The following SNTG1 variants were observed in gnomAD, a reference collection of about 807,000 sequenced individuals.
SNTG1 encodes gamma-1-syntrophin.
SNTG1 carries 39 observed loss-of-function variants against 74.7 expected under a neutral mutation model. The ratio of observed to expected loss-of-function variants is 0.52; its 90% CI spans 0.40 to 0.68. The LOEUF (loss-of-function observed/expected upper bound fraction) is 0.68, where lower values mean the gene tolerates loss of function less well. Among genes scored for constraint, SNTG1 ranks in the 30% least tolerant of loss-of-function variants. The probability of loss-of-function intolerance (pLI) is 0.00; values close to 1 mark genes in which losing one functional copy is unlikely to be tolerated. For missense variants in SNTG1, 685 were observed against 609.5 expected (o/e 1.12, Z -1.30); for synonymous variants, 254 against 217.1 (o/e 1.17, Z -1.49).
chr8:50,587,121 TTATC>T (rs2094654455), intron 12 of SNTG1, among the ~76,000 whole-genome samples: 1 of 151,628 alleles, frequency 6.6e-6, no homozygotes, highest in African/African-American at 2.4e-5. Context: ...TATGCCCAAA[TTATC>T]AATCTTTGTG....
In SNTG1 at chr8:50,795,590, T is replaced by C. The variant is rs1334218968; in HGVS notation, c.*2761T>C. ...GTGTGTGTCTGTGTATGTGTGTGAG[T>C]GTGTAAGTGTTATCATTAAAGGGTT... On this transcript the variant is annotated 3_prime_UTR_variant, in exon 19 of 19. Coordinates refer to ENST00000642720, the MANE Select transcript of SNTG1 (RefSeq NM_018967.5). 6.6e-6 allele frequency: 1 copy of C among 152,012 alleles called. No individual in the cohort carries two copies. The highest frequency in any genetic ancestry group is 1.5e-5 in the Non-Finnish European group (1 of 67,970). 9.4% of individuals were successfully genotyped at this position (152,012 alleles called of 1,614,324 possible).
At chr8:50,704,057 C>CAATTTCTTGTATCA (rs2095435255) in intron 15 of SNTG1, among the ~76,000 whole-genome samples, 2 of 152,054 alleles carry the variant, frequency 1.3e-5, no homozygotes, top group Admixed American at 6.5e-5. Context: ...TTGCCAGCAT[C>CAATTTCTTGTATCA]AAAGTCGTTT....
intron 2 of SNTG1, among the ~76,000 whole-genome samples, chr8:50,249,369 C>A (rs1430732474): frequency 1.3e-5 from 2 of 152,222 alleles, no homozygotes; most frequent in African/African-American, 2.4e-5. Flanking sequence ...CCACCAACAG[C>A]CAGGCCAGAG....
At chr8:50,244,121 G>A (rs546296151) in intron 2 of SNTG1, among the ~76,000 whole-genome samples, 2 of 152,214 alleles carry the variant, frequency 1.3e-5, no homozygotes, top group African/African-American at 4.8e-5. Flanking sequence ...TGAAGTGGGA[G>A]CAGACATGCA....
intron 1 of SNTG1, among the ~76,000 whole-genome samples, chr8:50,014,456 ATG>A (rs1157408364): frequency 7.1e-5 from 3 of 42,304 alleles, no homozygotes; most frequent in Non-Finnish European, 2.3e-4. Flanking sequence ...GATCTACACA[ATG>A]ATAAGGACTA....
intron 13 of SNTG1, among the ~76,000 whole-genome samples, chr8:50,599,317 T>C (rs1393218326): frequency 6.6e-6 from 1 of 152,076 alleles, no homozygotes; most frequent in Non-Finnish European, 1.5e-5. Context: ...TTTTCTTCTT[T>C]TTGCTCAGGA....
intron 8 of SNTG1, among the ~76,000 whole-genome samples, chr8:50,473,185 G>A (rs1181662239): frequency 6.6e-6 from 1 of 152,112 alleles, no homozygotes; most frequent in Non-Finnish European, 1.5e-5. Flanking sequence ...GCTCATGATA[G>A]TGAGTGAGTT....
intron 10 of SNTG1, among the ~76,000 whole-genome samples, chr8:50,534,090 T>A (rs984652432): frequency 7.2e-5 from 11 of 152,182 alleles, no homozygotes; most frequent in Admixed American, 3.3e-4. Context: ...TGTGAAATAA[T>A]CAAGTAAAAA....
chr8:50,654,188 C>T (rs557437050), intron 13 of SNTG1, among the ~76,000 whole-genome samples: 5 of 152,152 alleles, frequency 3.3e-5, no homozygotes, highest in Non-Finnish European at 5.9e-5. Context: ...CCTTTCTTAG[C>T]TGTGCTTGGG....
intron 6 of SNTG1, 111 bp from the exon 7 acceptor site, chr8:50,450,445 A>G (rs2093445362): frequency 8.9e-7 from 1 of 1,126,632 alleles, no homozygotes; most frequent in South Asian, 1.4e-5. Context: ...CTAACCATAT[A>G]AGACACTTAA....
In SNTG1 at chr8:50,005,868, G is replaced by A. The variant is rs188606466; in HGVS notation, c.-103+93637G>A. Among the ~76,000 whole-genome samples, 13 of 150,632 alleles carry A rather than the reference G, an allele frequency of 8.6e-5. No homozygotes were observed. The East Asian group carries it at 1.4e-3, about 16-fold the overall frequency. On this transcript the variant is annotated intron_variant, in intron 1 of 18. Coordinates refer to ENST00000642720, the MANE Select transcript of SNTG1 (RefSeq NM_018967.5). ...CTGTGGACCTGTCATCTAGCTCACC[G>A]TCTCTGTCATCTCAGCTCCAAAACT... is the stretch of plus-strand genomic sequence containing the variant.
intron 1 of SNTG1, among the ~76,000 whole-genome samples, chr8:50,117,907 A>T (rs1304761994): frequency 1.3e-5 from 2 of 152,150 alleles, no homozygotes; most frequent in Non-Finnish European, 2.9e-5. Context: ...GAGATTTGTG[A>T]CTAGCAGAGC....
At chr8:50,765,723 C>G (rs921202680) in intron 18 of SNTG1, among the ~76,000 whole-genome samples, 2 of 151,818 alleles carry the variant, frequency 1.3e-5, no homozygotes, top group African/African-American at 4.8e-5. Flanking sequence ...TGAATAGTGA[C>G]AAAAAATATT....
At chr8:49,942,009 G>A (rs986341427) in intron 1 of SNTG1, among the ~76,000 whole-genome samples, 3 of 152,112 alleles carry the variant, frequency 2.0e-5, no homozygotes, top group Non-Finnish European at 4.4e-5. Flanking sequence ...GCATATATGA[G>A]AATGTACACA....
At chr8:50,516,956 C>T (rs903339568) in intron 9 of SNTG1, among the ~76,000 whole-genome samples, 1 of 151,954 alleles carries the variant, frequency 6.6e-6, no homozygotes, top group Non-Finnish European at 1.5e-5. Context: ...ACCACAAAGA[C>T]AGTTATCAAG....
At position 50,277,237 on chromosome 8, in the gene SNTG1, C is replaced by T. The variant is rs531785858; in HGVS notation, c.-28+104602C>T. Among the ~76,000 whole-genome samples the T allele has an allele frequency of 6.1e-3, 892 of 145,344 alleles. 2 individuals carry two copies. Among genetic ancestry groups the T allele is most frequent in the Non-Finnish European group, 0.011 (724 of 66,914 alleles). On this transcript the variant is annotated intron_variant, in intron 2 of 18. Transcript: ENST00000642720. ...AGCTATGATTGCACCTTTGCACTCC[C>T]GCTTAGGCAACTGAGCAAGACCCTG...
chr8:50,699,180 A>G (rs1426265575), intron 15 of SNTG1, among the ~76,000 whole-genome samples: 2 of 150,010 alleles, frequency 1.3e-5, no homozygotes, highest in Non-Finnish European at 3.0e-5. Context: ...GAACTTCAAT[A>G]TTTAACAGGG....
At chr8:50,004,280 T>C (rs1274406287) in intron 1 of SNTG1, among the ~76,000 whole-genome samples, 2 of 152,172 alleles carry the variant, frequency 1.3e-5, no homozygotes, top group African/African-American at 4.8e-5. Context: ...TCCAACTCAC[T>C]TCACATAAAT....
chr8:50,675,027 A>G (rs956447783), intron 15 of SNTG1, among the ~76,000 whole-genome samples: 1 of 152,188 alleles, frequency 6.6e-6, no homozygotes, highest in South Asian at 2.1e-4. Context: ...ATGGTCTAAG[A>G]GACTGTTTGT....
Sources: allele counts gnomAD v4.1 joint callset (sites outside exome capture counted in the v4.1 genomes callset), GRCh38; gene constraint gnomAD v4.1.1; transcripts MANE v1.5; gene names NCBI Gene and HGNC (gene_info 2026-07-23, HGNC 2026-07-21).